The following CADM2 variants were observed in gnomAD, a reference collection of about 807,000 sequenced individuals.
CADM2 encodes the protein immunoglobulin superfamily member 4D.
CADM2 carries 12 observed loss-of-function variants against 49.8 expected under a neutral mutation model. That is an observed-to-expected ratio of 0.24 (90% CI 0.15 to 0.39). The LOEUF (loss-of-function observed/expected upper bound fraction) is 0.39. Among genes scored for constraint, CADM2 ranks in the 10% least tolerant of loss-of-function variants. The probability of loss-of-function intolerance (pLI) is 1.00; values close to 1 mark genes in which losing one functional copy is unlikely to be tolerated. For synonymous variants in CADM2, 214 were observed against 175.4 expected (o/e 1.22, Z -1.74); for missense variants, 378 against 492.3 (o/e 0.77, Z 2.20).
chr3:85,975,477 A>T (rs1440285979), intron 8 of CADM2, among the ~76,000 whole-genome samples: 1 of 151,462 alleles, frequency 6.6e-6, no homozygotes, highest in Non-Finnish European at 1.5e-5. Flanking sequence ...TAAATAATTT[A>T]TGTATAATTA....
At chr3:85,180,458 G>A (rs1274228734) in intron 1 of CADM2, among the ~76,000 whole-genome samples, 1 of 148,434 alleles carries the variant, frequency 6.7e-6, no homozygotes, top group Non-Finnish European at 1.5e-5. Flanking sequence ...GCAATGAGCC[G>A]CGGTAGCGCC....
intron 6 of CADM2, among the ~76,000 whole-genome samples, chr3:85,924,953 C>T (rs1447806699): frequency 1.3e-5 from 2 of 152,156 alleles, no homozygotes; most frequent in Admixed American, 1.3e-4. Context: ...GCATTCTATG[C>T]TTTACATTAT....
Position 84,959,548 on chromosome 3 carries a change from C to T in CADM2, c.-60C>T, listed in dbSNP as rs2030234908. 2.0e-6 allele frequency: 3 copies of T among 1,466,700 alleles called. No individual in the cohort carries two copies. The highest frequency in any genetic ancestry group is 2.8e-6 in the Non-Finnish European group (3 of 1,083,168). 90.9% of individuals were successfully genotyped at this position (1,466,700 alleles called of 1,614,324 possible). ...CCAGCGGAGCCCTGCACTCTCGTGC[C>T]CCGCTCACCAGCATCTACTTGCCCC... On this transcript the variant is annotated 5_prime_UTR_variant, in exon 1 of 10. Coordinates refer to ENST00000383699, the MANE Select transcript of CADM2 (RefSeq NM_001167675.2).
chr3:85,096,577 C>T (rs1042028875), intron 1 of CADM2, among the ~76,000 whole-genome samples: 9 of 151,860 alleles, frequency 5.9e-5, no homozygotes, highest in South Asian at 4.2e-4. Context: ...TCAGAATATT[C>T]GTATATCTAT....
intron 1 of CADM2, among the ~76,000 whole-genome samples, chr3:85,083,489 C>T (rs1325290892): frequency 1.3e-5 from 2 of 152,106 alleles, no homozygotes; most frequent in Admixed American, 1.3e-4. Context: ...TCGTCTTTCA[C>T]ATACATGATC....
At chr3:85,287,844 A>G (rs982178901) in intron 1 of CADM2, among the ~76,000 whole-genome samples, 1 of 151,898 alleles carries the variant, frequency 6.6e-6, no homozygotes, top group African/African-American at 2.4e-5. Flanking sequence ...AACTATCGCA[A>G]GGACCAAAAA....
intron 5 of CADM2, among the ~76,000 whole-genome samples, chr3:85,911,658 C>A (rs1483035692): frequency 6.6e-6 from 1 of 152,142 alleles, no homozygotes; most frequent in Non-Finnish European, 1.5e-5. Flanking sequence ...ATTGTGCTTT[C>A]TTTTAGGCAT....
In CADM2 at chr3:84,959,434, G is replaced by A; in HGVS notation, c.-174G>A. The A allele has an allele frequency of 3.3e-6, 2 of 602,604 alleles. No individual in the cohort carries two copies. Among genetic ancestry groups the A allele is most frequent in the Non-Finnish European group, 5.8e-6 (2 of 342,290 alleles). The allele number at this position is 602,604 out of a possible 1,614,324, so 37.3% of individuals were successfully genotyped here. ...CCCATTCTGCGGGTGCTTTGCCGCT[G>A]CCGCTTCTGCTGCCGCCGATCCGAG... On this transcript the variant is annotated 5_prime_UTR_variant, in exon 1 of 10. Coordinates refer to ENST00000383699, the MANE Select transcript of CADM2 (RefSeq NM_001167675.2).
At chr3:85,427,470 G>A (rs981308268) in intron 1 of CADM2, among the ~76,000 whole-genome samples, 11 of 151,746 alleles carry the variant, frequency 7.2e-5, no homozygotes, top group African/African-American at 2.4e-4. Flanking sequence ...GATAACAGCT[G>A]GCCAATCAAT....
intron 1 of CADM2, among the ~76,000 whole-genome samples, chr3:85,318,895 A>AT (rs1207102793): frequency 1.3e-5 from 2 of 152,144 alleles, no homozygotes; most frequent in East Asian, 3.9e-4. Context: ...ATTTTATTTC[A>AT]TTCACCCTGA....
chr3:85,197,593 A>T (rs1229929492), intron 1 of CADM2, among the ~76,000 whole-genome samples: 1 of 151,938 alleles, frequency 6.6e-6, no homozygotes, highest in East Asian at 1.9e-4. Context: ...TAGATGTTTA[A>T]CTCTACTGTG....
At chr3:85,665,659 C>G (rs575587363) in intron 1 of CADM2, among the ~76,000 whole-genome samples, 1 of 152,036 alleles carries the variant, frequency 6.6e-6, no homozygotes, top group South Asian at 2.1e-4. Context: ...TTAAAAGCAT[C>G]CTTTGTCTTT....
At chr3:85,098,437 G>C (rs986958242) in intron 1 of CADM2, among the ~76,000 whole-genome samples, 4 of 151,830 alleles carry the variant, frequency 2.6e-5, no homozygotes, top group Non-Finnish European at 4.4e-5. Flanking sequence ...AAGTCACCAC[G>C]CTTTTTTGAA....
At chr3:85,710,074 C>G (rs1409078725) in intron 1 of CADM2, among the ~76,000 whole-genome samples, 1 of 152,102 alleles carries the variant, frequency 6.6e-6, no homozygotes, top group Non-Finnish European at 1.5e-5. Context: ...ACATCCACCA[C>G]TGGGTCTAAA....
At chr3:85,321,110 ATATATATTTTTTTTTTTTTTTTTTTT>A (rs2044591538) in intron 1 of CADM2, among the ~76,000 whole-genome samples, 1 of 33,726 alleles carries the variant, frequency 3.0e-5, no homozygotes, top group African/African-American at 1.0e-4. Flanking sequence ...ATATATATAT[ATATATATTTTTTTTTTTTTTTTTTTT>A]TTTTTTTTTT....
rs1230880606 is a variant in CADM2 at position 85,833,334 on chromosome 3, G to T, written c.238+31138G>T. Reference sequence around the variant, plus strand: ...CTTTGTTAGATTTTGGCATCAGGGTGATGCTGGCTTCATAGAATGAGTTAG... The same window carrying T: ...CTTTGTTAGATTTTGGCATCAGGGTTATGCTGGCTTCATAGAATGAGTTAG... On this transcript the variant is annotated intron_variant, in intron 3 of 9. Coordinates refer to ENST00000383699, the MANE Select transcript of CADM2 (RefSeq NM_001167675.2). 2.6e-5 allele frequency among the ~76,000 whole-genome samples: 4 copies of T among 151,662 alleles called. No homozygotes were observed. The Admixed American group carries it at 2.6e-4, about 10-fold the overall frequency.
intron 1 of CADM2, among the ~76,000 whole-genome samples, chr3:85,368,993 T>TA (rs779751340): frequency 6.6e-6 from 1 of 152,064 alleles, no homozygotes; most frequent in African/African-American, 2.4e-5. Flanking sequence ...TGGAGAAAAT[T>TA]AAAAAATCTA....
At chr3:85,076,552 G>A (rs910351333) in intron 1 of CADM2, among the ~76,000 whole-genome samples, 2 of 151,736 alleles carry the variant, frequency 1.3e-5, no homozygotes, top group Non-Finnish European at 2.9e-5. Context: ...TTGCCATGTT[G>A]GCCAGGCTGG....
At chr3:85,479,011 A>C (rs2039096323) in intron 1 of CADM2, among the ~76,000 whole-genome samples, 1 of 151,812 alleles carries the variant, frequency 6.6e-6, no homozygotes, top group Admixed American at 6.6e-5. Context: ...TGGTGTGATC[A>C]TAACTAACTG....
Sources: gnomAD v4.1 joint callset for allele counts (sites outside exome capture counted in the v4.1 genomes callset) on GRCh38, gnomAD v4.1.1 for gene constraint, MANE v1.5 for transcripts, NCBI Gene and HGNC (gene_info 2026-07-23, HGNC 2026-07-21) for gene names.